Variants in CSMD1 observed in about 807,000 individuals in gnomAD.
The protein encoded by CSMD1 is CUB and Sushi multiple domains 1.
CSMD1 carries 213 observed loss-of-function variants against 417.5 expected under a neutral mutation model. That is an observed-to-expected ratio of 0.51 (90% CI 0.46 to 0.57). The LOEUF is 0.57. CSMD1 is among the 20% of genes least tolerant of loss of function. The pLI, the probability that CSMD1 is intolerant of heterozygous loss-of-function variation, is 0.00. For missense variants in CSMD1, 6,923 were observed against 4,529.7 expected (o/e 1.53, Z -15.17); for synonymous variants, 2,862 against 1,736.8 (o/e 1.65, Z -16.11).
At chr8:3,469,132 C>A (rs1022227212) in intron 11 of CSMD1, 8 of 243,938 alleles carry the variant, frequency 3.3e-5, no homozygotes, top group African/African-American at 1.8e-4. Context: ...GCAGGAATTA[C>A]AATGTTACAA....
intron 1 of CSMD1, among the ~76,000 whole-genome samples, chr8:4,733,049 A>T (rs1275912423): frequency 1.3e-5 from 2 of 152,176 alleles, no homozygotes; most frequent in East Asian, 3.9e-4. Context: ...CCAAATGAAA[A>T]ATAACTAGAA....
chr8:4,586,767 C>A (rs1256893591), intron 2 of CSMD1, among the ~76,000 whole-genome samples: 9 of 152,294 alleles, frequency 5.9e-5, no homozygotes, highest in African/African-American at 2.2e-4. Flanking sequence ...TTCCCCATGG[C>A]ACTTTCTGTG....
chr8:4,624,602 G>C (rs780734666), intron 2 of CSMD1, among the ~76,000 whole-genome samples: 1 of 152,106 alleles, frequency 6.6e-6, no homozygotes. Flanking sequence ...GAAGATCCAC[G>C]ACATTGGACA....
chr8:4,658,697 A>C (rs11997186), intron 1 of CSMD1, among the ~76,000 whole-genome samples: 7,145 of 152,210 alleles, frequency 0.047, 574 homozygotes, highest in African/African-American at 0.16. Context: ...AAGTCATTAT[A>C]CTGGTAAATA....
intron 1 of CSMD1, among the ~76,000 whole-genome samples, chr8:4,861,454 G>T (rs997733136): frequency 4.6e-5 from 7 of 152,046 alleles, no homozygotes; most frequent in Non-Finnish European, 8.8e-5. Flanking sequence ...GGAAGTGCTC[G>T]TAGACAACTA....
chr8:4,779,279 T>C (rs1232767664), intron 1 of CSMD1, among the ~76,000 whole-genome samples: 5 of 151,812 alleles, frequency 3.3e-5, no homozygotes, highest in Non-Finnish European at 5.9e-5. Flanking sequence ...CTTCCATGTA[T>C]AGGGGTTTTA....
chr8:4,824,483 G>T (rs1406650832), intron 1 of CSMD1, among the ~76,000 whole-genome samples: 1 of 152,194 alleles, frequency 6.6e-6, no homozygotes, highest in East Asian at 1.9e-4. Flanking sequence ...TAAAGAAATA[G>T]AATGGTTTTT....
intron 3 of CSMD1, among the ~76,000 whole-genome samples, chr8:4,320,315 C>T (rs897222273): frequency 6.6e-6 from 1 of 152,156 alleles, no homozygotes; most frequent in Non-Finnish European, 1.5e-5. Flanking sequence ...ATAATACCTT[C>T]AGGCTATTTG....
At chr8:3,877,199 G>C (rs1199064727) in intron 5 of CSMD1, among the ~76,000 whole-genome samples, 6 of 152,108 alleles carry the variant, frequency 3.9e-5, no homozygotes, top group African/African-American at 1.4e-4. Context: ...GAAGGAAGTG[G>C]ACACTGGGCT....
At position 4,151,811 on chromosome 8, in the gene CSMD1, C is replaced by T. The variant is rs994299564; in HGVS notation, c.416-119712G>A. Reference sequence around the variant, plus strand: ...TTATTTTATATGAAAAATAATTGTTCGAAGTTTTTTTATATATATAGCATG... The same window carrying T: ...TTATTTTATATGAAAAATAATTGTTTGAAGTTTTTTTATATATATAGCATG... On this transcript the variant is annotated intron_variant, in intron 3 of 69. Transcript: ENST00000635120. 2.8e-4 allele frequency among the ~76,000 whole-genome samples: 42 copies of T among 152,090 alleles called. 1 individual carries two copies. Among genetic ancestry groups the T allele is most frequent in the Admixed American group, 1.3e-4 (2 of 15,268 alleles).
chr8:3,313,010 G>A (rs1033611119), intron 23 of CSMD1, among the ~76,000 whole-genome samples: 1 of 152,110 alleles, frequency 6.6e-6, no homozygotes, highest in African/African-American at 2.4e-5. Flanking sequence ...TTGAATATTG[G>A]TAAAATAAGT....
chr8:3,794,552 C>T (rs1467635114), intron 5 of CSMD1, among the ~76,000 whole-genome samples: 1 of 152,048 alleles, frequency 6.6e-6, no homozygotes, highest in Non-Finnish European at 1.5e-5. Context: ...TACAACTTTC[C>T]TGCCATCAAA....
chr8:3,519,027 T>G (rs1168783179), intron 10 of CSMD1, among the ~76,000 whole-genome samples: 1 of 152,266 alleles, frequency 6.6e-6, no homozygotes, highest in Non-Finnish European at 1.5e-5. Context: ...AGCTAACTTC[T>G]GTTTCTATCG....
At chr8:4,063,498 AAACAG>A (rs1261492435) in intron 3 of CSMD1, among the ~76,000 whole-genome samples, 5 of 152,176 alleles carry the variant, frequency 3.3e-5, no homozygotes, top group South Asian at 2.1e-4. Flanking sequence ...AAATAAAACA[AAACAG>A]AACTATTCTG....
chr8:3,844,140 T>C (rs532357823), intron 5 of CSMD1, among the ~76,000 whole-genome samples: 9 of 152,304 alleles, frequency 5.9e-5, no homozygotes, highest in African/African-American at 1.9e-4. Flanking sequence ...ACTTTAAAAA[T>C]TTTAAAAAGA....
chr8:3,230,331 C>T (rs1862877), intron 26 of CSMD1, 100 bp from the exon 27 acceptor site: 57,528 of 874,964 alleles, frequency 0.066, 2,905 homozygotes, highest in East Asian at 0.27. Flanking sequence ...TCTTCATTGG[C>T]CTAATAAGTC....
At chr8:4,637,633 C>G (rs981105908) in intron 1 of CSMD1, 75 bp from the exon 2 acceptor site, 3 of 563,844 alleles carry the variant, frequency 5.3e-6, no homozygotes, top group Middle Eastern at 3.4e-4. Context: ...AATTTCTAAA[C>G]ACTTTAGCCA....
intron 10 of CSMD1, among the ~76,000 whole-genome samples, chr8:3,512,053 C>T (rs1797096788): frequency 6.6e-6 from 1 of 152,184 alleles, no homozygotes; most frequent in African/African-American, 2.4e-5. Flanking sequence ...CGTGGATCCA[C>T]TATGTGGCCC....
intron 41 of CSMD1, among the ~76,000 whole-genome samples, chr8:3,120,824 C>A (rs550309372): frequency 6.6e-6 from 1 of 151,874 alleles, no homozygotes; most frequent in South Asian, 2.1e-4. Context: ...TCCAGCCTGG[C>A]GACACAGTGA....
Sources: gnomAD v4.1 joint callset for allele counts (sites outside exome capture counted in the v4.1 genomes callset) on GRCh38, gnomAD v4.1.1 for gene constraint, MANE v1.5 for transcripts, NCBI Gene and HGNC (gene_info 2026-07-23, HGNC 2026-07-21) for gene names.